RIMS2: variants seen among roughly 807,000 people sequenced by gnomAD.
RIMS2 encodes the protein regulating synaptic membrane exocytosis protein 2.
In RIMS2, 59 loss-of-function variants were observed where a neutral mutation model predicts 174.4. The ratio of observed to expected loss-of-function variants is 0.34; its 90% CI spans 0.27 to 0.42. The LOEUF (loss-of-function observed/expected upper bound fraction) is 0.42, where lower values mean the gene tolerates loss of function less well. RIMS2 is among the 10% of genes least tolerant of loss of function. The pLI, the probability that RIMS2 is intolerant of heterozygous loss-of-function variation, is 1.00. For missense variants in RIMS2, 1,620 were observed against 1,666.3 expected, an observed-to-expected ratio of 0.97 and a Z score of 0.48; for synonymous variants, 606 against 572.5, an observed-to-expected ratio of 1.06 and a Z score of -0.84.
At chr8:103,853,736 G>T (rs1352083801) in intron 3 of RIMS2, among the ~76,000 whole-genome samples, 3 of 152,006 alleles carry the variant, frequency 2.0e-5, no homozygotes, top group Non-Finnish European at 4.4e-5. Context: ...TGTTCCATTG[G>T]TCTATGTGTT....
chr8:104,219,141 A>G (rs1053182942), intron 19 of RIMS2, among the ~76,000 whole-genome samples: 1 of 152,224 alleles, frequency 6.6e-6, no homozygotes, highest in Admixed American at 6.5e-5. Context: ...ATATATGGCT[A>G]TTTAATATTA....
At chr8:103,787,339 G>A (rs201736183) in intron 3 of RIMS2, among the ~76,000 whole-genome samples, 1,733 of 151,452 alleles carry the variant, frequency 0.011, 22 homozygotes, top group South Asian at 0.05. Flanking sequence ...TATTTTGCTC[G>A]TTAGTTGATG....
At chr8:103,754,865 G>T (rs1292670699) in intron 2 of RIMS2, among the ~76,000 whole-genome samples, 1 of 152,000 alleles carries the variant, frequency 6.6e-6, no homozygotes, top group African/African-American at 2.4e-5. Context: ...CACACTGATG[G>T]GTCTTGACTC....
intron 19 of RIMS2, among the ~76,000 whole-genome samples, chr8:104,085,561 C>A (rs7817196): frequency 0.57 from 86,203 of 152,020 alleles, 27,291 homozygotes; most frequent in East Asian, 0.92. Context: ...GGGAATATTG[C>A]GTAGGCATTC....
At chr8:103,830,968 T>G (rs568717365) in intron 3 of RIMS2, among the ~76,000 whole-genome samples, 1 of 152,188 alleles carries the variant, frequency 6.6e-6, no homozygotes, top group South Asian at 2.1e-4. Flanking sequence ...CCACCGCACC[T>G]GGCTAATTTT....
intron 3 of RIMS2, among the ~76,000 whole-genome samples, chr8:103,808,070 A>G (rs1042908503): frequency 1.3e-5 from 2 of 152,148 alleles, no homozygotes; most frequent in African/African-American, 4.8e-5. Context: ...ACTACATTTC[A>G]TAGGCTAGAT....
intron 1 of RIMS2, among the ~76,000 whole-genome samples, chr8:103,534,563 G>A (rs925266262): frequency 2.0e-4 from 31 of 151,986 alleles, no homozygotes; most frequent in African/African-American, 5.8e-4. Context: ...ATATCAGTAC[G>A]TATTTGTATT....
intron 3 of RIMS2, among the ~76,000 whole-genome samples, chr8:103,867,141 G>A (rs2099088021): frequency 6.6e-6 from 1 of 151,810 alleles, no homozygotes; most frequent in East Asian, 1.9e-4. Flanking sequence ...AAATAAAAAT[G>A]AAATCTGTTT....
chr8:103,959,735 C>T (rs1466518261), intron 14 of RIMS2, among the ~76,000 whole-genome samples: 1 of 151,946 alleles, frequency 6.6e-6, no homozygotes, highest in East Asian at 1.9e-4. Flanking sequence ...CCTTTTCTTC[C>T]AAACCATATA....
In RIMS2 at chr8:103,975,267, A is replaced by G. The variant is rs78161629; in HGVS notation, c.2771-83A>G. 4.0e-3 allele frequency: 3,191 copies of G among 800,326 alleles called. 108 individuals carry two copies. The East Asian group carries it at 0.08, about 20-fold the overall frequency. 49.6% of individuals were successfully genotyped at this position (800,326 alleles called of 1,614,324 possible). On this transcript the variant is annotated intron_variant, in intron 15 of 23. Transcript: ENST00000504942. ...TTAGAAGTCTTTAAATTTCACCAAC[A>G]TTTTGTTTTTGAGTAAAGTAGAAGA...
rs773820733 is a variant in RIMS2, at chr8:103,766,518, A to G, written c.679A>G (p.Ser227Gly). The G allele has an allele frequency of 1.9e-6, 3 of 1,612,186 alleles. No homozygotes were observed. In the African/African-American group the frequency reaches 4.0e-5, roughly 22 times the overall value. The change falls in exon 3 of 24, where the codon AGT becomes GGT. Residue 227 changes from serine to glycine, a missense_variant. Physicochemically the swap from Ser to Gly is moderately conservative, Grantham distance 56 (BLOSUM62 0). Coordinates refer to ENST00000504942, the Ensembl canonical transcript of RIMS2. ...GTCAGGCGTGAAGCATCACATTGCC[A>G]GTGACATAGCTTCAGACAGGTAAAC... is the stretch of plus-strand genomic sequence containing the variant.
intron 4 of RIMS2, among the ~76,000 whole-genome samples, chr8:103,894,107 G>A (rs2099263577): frequency 6.6e-6 from 1 of 151,458 alleles, no homozygotes; most frequent in African/African-American, 2.4e-5. Context: ...ACCAGATTTG[G>A]TAACTTTTCT....
At chr8:103,788,843 G>A (rs904495904) in intron 3 of RIMS2, among the ~76,000 whole-genome samples, 23 of 152,204 alleles carry the variant, frequency 1.5e-4, no homozygotes, top group Non-Finnish European at 3.2e-4. Context: ...AGCAAGCCTG[G>A]GCAATGGCGG....
At chr8:104,028,100 T>A (rs2096295123) in intron 19 of RIMS2, among the ~76,000 whole-genome samples, 1 of 151,366 alleles carries the variant, frequency 6.6e-6, no homozygotes, top group Admixed American at 6.6e-5. Flanking sequence ...TGGCTAATTT[T>A]TAAAAGTTTT....
chr8:104,124,487 GTTT>G (rs1172231959), intron 19 of RIMS2, among the ~76,000 whole-genome samples: 2 of 152,008 alleles, frequency 1.3e-5, no homozygotes, highest in Non-Finnish European at 2.9e-5. Context: ...TTCTCAAATG[GTTT>G]TTGTCACTTG....
chr8:103,722,927 A>G (rs7836764), intron 2 of RIMS2, among the ~76,000 whole-genome samples: 27,991 of 152,090 alleles, frequency 0.18, 3,091 homozygotes, highest in African/African-American at 0.31. Context: ...CCTGACCAAC[A>G]TGGAGAAACC....
At chr8:103,866,509 A>T (rs1195708041) in intron 3 of RIMS2, among the ~76,000 whole-genome samples, 1 of 151,962 alleles carries the variant, frequency 6.6e-6, no homozygotes, top group African/African-American at 2.4e-5. Context: ...CCTTTTTGGT[A>T]ACTTATTTTG....
At chr8:104,173,777 C>T (rs1374184685) in intron 19 of RIMS2, among the ~76,000 whole-genome samples, 6 of 150,070 alleles carry the variant, frequency 4.0e-5, no homozygotes, top group Admixed American at 1.3e-4. Context: ...TACAGGCACC[C>T]GCCACCATGC....
intron 2 of RIMS2, among the ~76,000 whole-genome samples, chr8:103,735,643 A>G (rs1331077400): frequency 3.3e-5 from 5 of 152,106 alleles, no homozygotes; most frequent in Admixed American, 1.3e-4. Flanking sequence ...TGTGTCTCTT[A>G]AGAAGTTTTA....
Sources: allele counts gnomAD v4.1 joint callset (sites outside exome capture counted in the v4.1 genomes callset), GRCh38; gene constraint gnomAD v4.1.1; transcripts MANE v1.5; gene names NCBI Gene and HGNC (gene_info 2026-07-23, HGNC 2026-07-21).